Variants in MGST1 observed in about 807,000 individuals in gnomAD.
MGST1 encodes the protein microsomal glutathione S-transferase 1, also known as glutathione S-transferase 12.
A neutral mutation model predicts 8.9 loss-of-function variants in MGST1; 5 were observed. That is an observed-to-expected ratio of 0.56 (90% CI 0.29 to 1.19). The LOEUF is 1.19. Among genes scored for constraint, MGST1 ranks in the 50% most tolerant of loss-of-function variants. MGST1 has a pLI of 0.08. For synonymous variants in MGST1, 54 were observed against 67.8 expected (o/e 0.80, Z 1.00); for missense variants, 182 against 187.4 (o/e 0.97, Z 0.17).
intron 1 of MGST1, among the ~76,000 whole-genome samples, chr12:16,418,073 A>G (rs1300700683): frequency 6.6e-6 from 1 of 152,094 alleles, no homozygotes; most frequent in Non-Finnish European, 1.5e-5. Context: ...ACATCTCTTC[A>G]TGAGGAAAAT....
chr12:16,551,021 C>T, intron 4 of MGST1: 2 of 487,244 alleles, frequency 4.1e-6, no homozygotes, highest in African/African-American at 1.9e-5. Context: ...TTACTTTTTT[C>T]TTTAATAATA....
intron 1 of MGST1, chr12:16,402,173 C>T: frequency 6.4e-7 from 1 of 1,570,754 alleles, no homozygotes. Context: ...GTTTCAAAAA[C>T]TCCACTTTTT....
intron 4 of MGST1, among the ~76,000 whole-genome samples, chr12:16,516,900 C>T (rs898348544): frequency 1.3e-5 from 2 of 152,114 alleles, no homozygotes; most frequent in African/African-American, 2.4e-5. Flanking sequence ...CTATCAAATA[C>T]TTTCAGAGAT....
intron 4 of MGST1, among the ~76,000 whole-genome samples, chr12:16,568,709 A>G (rs2137413147): frequency 6.6e-6 from 1 of 152,332 alleles, no homozygotes; most frequent in Admixed American, 6.5e-5. Context: ...CACCTTTAAA[A>G]CACTTTCCTT....
intron 4 of MGST1, among the ~76,000 whole-genome samples, chr12:16,566,572 G>A (rs1942618902): frequency 6.6e-6 from 1 of 151,716 alleles, no homozygotes; most frequent in African/African-American, 2.4e-5. Context: ...TTTCAAAAAA[G>A]CTTAAAAGTT....
Position 16,401,017 on chromosome 12 carries a change from A to G in MGST1, n.778+17413A>G. 1 of 1,558,876 alleles carries G rather than the reference A, an allele frequency of 6.4e-7. No individual in the cohort carries two copies. Among genetic ancestry groups the G allele is most frequent in the Non-Finnish European group, 8.8e-7 (1 of 1,130,194 alleles). On this transcript the variant is annotated intron_variant and non_coding_transcript_variant, in intron 1 of 1. Transcript: ENST00000359720. The surrounding 1 kb of genome is among the most constrained non-coding windows in gnomAD (Gnocchi z 4.3). The stretch of plus-strand genomic sequence containing the variant: ...GATGTGCTCTTCACTTCTCTTCTGC[A>G]GTCATTTCATTCCTGTTCTTTCTGT...
At chr12:16,411,969 G>A (rs751001669) in intron 1 of MGST1, among the ~76,000 whole-genome samples, 5 of 152,146 alleles carry the variant, frequency 3.3e-5, no homozygotes, top group Non-Finnish European at 7.3e-5. Flanking sequence ...TAAGGTTGTT[G>A]TAAGGATAAC....
rs1942321874 is a variant in MGST1, at chr12:16,559,777, T to C, written n.483-29751T>C. On this transcript the variant is annotated intron_variant and non_coding_transcript_variant, in intron 4 of 4. Transcript: ENST00000538857. This position sits in a 1 kb window ranked among gnomAD's most constrained non-coding sequence, Gnocchi z 4.1. ...ACCAGCCTGGGTAACATAGTGAAAC[T>C]CCATCATCTCTATAAAAAATGAAAA... Among the ~76,000 whole-genome samples, 1 of 147,138 alleles carries C rather than the reference T, an allele frequency of 6.8e-6. No individual in the cohort carries two copies. Among genetic ancestry groups the C allele is most frequent in the African/African-American group, 2.5e-5 (1 of 39,668 alleles).
Position 16,503,735 on chromosome 12 carries a change from C to A in MGST1, n.483-85793C>A, listed in dbSNP as rs1011831979. ...TCAGTTTATCATTGCCGTGGTAACACCTGGAAGTTACCACCCCTTTCCATG... is the reference window on the plus strand; with the variant it reads ...TCAGTTTATCATTGCCGTGGTAACAACTGGAAGTTACCACCCCTTTCCATG... On this transcript the variant is annotated intron_variant and non_coding_transcript_variant, in intron 4 of 4. Coordinates refer to the MGST1 transcript ENST00000538857. The surrounding 1 kb of genome is among the most constrained non-coding windows in gnomAD (Gnocchi z 4.8). 6.6e-6 allele frequency among the ~76,000 whole-genome samples: 1 copy of A among 152,154 alleles called. No homozygotes were observed. Among genetic ancestry groups the A allele is most frequent in the Non-Finnish European group, 1.5e-5 (1 of 68,030 alleles).
intron 4 of MGST1, among the ~76,000 whole-genome samples, chr12:16,569,477 G>C (rs557917474): frequency 6.6e-6 from 1 of 152,038 alleles, no homozygotes; most frequent in Admixed American, 6.6e-5. Flanking sequence ...ACAAATAATT[G>C]TCAATTTCTT....
At chr12:16,509,621 T>C (rs1003123066) in intron 4 of MGST1, among the ~76,000 whole-genome samples, 1 of 152,180 alleles carries the variant, frequency 6.6e-6, no homozygotes, top group African/African-American at 2.4e-5. Context: ...ACCAGATAGA[T>C]GGTGGACCTT....
At chr12:16,574,729 C>A (rs901756189) in intron 4 of MGST1, among the ~76,000 whole-genome samples, 3 of 152,096 alleles carry the variant, frequency 2.0e-5, no homozygotes, top group Non-Finnish European at 2.9e-5. Context: ...GATTTATCGG[C>A]CATTAGAAAA....
chr12:16,365,743 GCA>G (rs769759439), downstream of MGST1, among the ~76,000 whole-genome samples: 34 of 100,246 alleles, frequency 3.4e-4, no homozygotes, highest in South Asian at 6.4e-4. Context: ...GCGTGCACGC[GCA>G]CACACACACA....
intron 1 of MGST1, among the ~76,000 whole-genome samples, chr12:16,408,030 CAAAAAAAAAAA>C (rs200073692): frequency 0.019 from 842 of 44,092 alleles, 20 homozygotes; most frequent in African/African-American, 0.042. Flanking sequence ...GACTCTGTCT[CAAAAAAAAAAA>C]AAAAAAAAAA....
intron 4 of MGST1, among the ~76,000 whole-genome samples, chr12:16,443,764 C>G (rs908680549): frequency 5.9e-5 from 9 of 151,788 alleles, no homozygotes; most frequent in African/African-American, 2.2e-4. Context: ...TTGTCCATTC[C>G]AGGGTACTTT....
intron 4 of MGST1, among the ~76,000 whole-genome samples, chr12:16,580,531 A>T (rs554290188): frequency 1.3e-5 from 2 of 152,320 alleles, no homozygotes; most frequent in South Asian, 4.1e-4. Flanking sequence ...CCTTTGGAGG[A>T]CTTTTCTGGG....
chr12:16,442,433 G>A (rs1414441033), downstream of MGST1, among the ~76,000 whole-genome samples: 1 of 151,824 alleles, frequency 6.6e-6, no homozygotes, highest in Non-Finnish European at 1.5e-5. The surrounding 1 kb of genome is among the most constrained non-coding windows in gnomAD (Gnocchi z 4.5). Context: ...CTTCTAGGAG[G>A]TTTACAGCTT....
chr12:16,498,632 C>T (rs1941485104), intron 4 of MGST1, among the ~76,000 whole-genome samples: 4 of 152,186 alleles, frequency 2.6e-5, no homozygotes, highest in African/African-American at 7.2e-5. Context: ...TCATCTCATT[C>T]TTTTGAAGAA....
At chr12:16,438,319 G>C (rs1025230789) in exon 2 of MGST1, 3 of 151,886 alleles carry the variant, frequency 2.0e-5, no homozygotes, top group Non-Finnish European at 4.4e-5. Flanking sequence ...TCAGCCACTG[G>C]GATAAAATTA....
Sources: gnomAD v4.1 joint callset for allele counts (sites outside exome capture counted in the v4.1 genomes callset) on GRCh38, gnomAD v4.1.1 for gene constraint, Gnocchi (gnomAD v3.1) non-coding constraint, MANE v1.5 for transcripts, NCBI Gene and HGNC (gene_info 2026-07-23, HGNC 2026-07-21) for gene names.